Variants in CSMD1 observed in about 807,000 individuals in gnomAD.
CSMD1 encodes the protein CUB and sushi domain-containing protein 1.
A neutral mutation model predicts 417.5 loss-of-function variants in CSMD1; 213 were observed. The observed-to-expected ratio is 0.51, with a 90% CI of 0.46 to 0.57. CSMD1 has a LOEUF of 0.57. Ranked by LOEUF, CSMD1 falls within the 20% of genes least tolerant of loss-of-function variation. The pLI, the probability that CSMD1 is intolerant of heterozygous loss-of-function variation, is 0.00. For synonymous variants in CSMD1, 2,862 were observed against 1,736.8 expected (o/e 1.65, Z -16.11); for missense variants, 6,923 against 4,529.7 (o/e 1.53, Z -15.17).
At chr8:4,152,933 C>T (rs55845517) in intron 3 of CSMD1, among the ~76,000 whole-genome samples, 31,813 of 152,034 alleles carry the variant, frequency 0.21, 3,423 homozygotes, top group South Asian at 0.33. Context: ...ATACTCTATC[C>T]TCTTCTCAAA....
intron 24 of CSMD1, among the ~76,000 whole-genome samples, 182 bp downstream of exon 24, chr8:3,308,130 A>ACTGT (rs1805031081): frequency 6.6e-6 from 1 of 152,020 alleles, no homozygotes; most frequent in African/African-American, 2.4e-5. Flanking sequence ...TACTAGAAAA[A>ACTGT]CTGTCTTTCA....
intron 3 of CSMD1, among the ~76,000 whole-genome samples, chr8:4,168,142 A>AT (rs1554478575): frequency 4.1e-4 from 5 of 12,290 alleles, no homozygotes; most frequent in South Asian, 1.4e-3. Context: ...AATAAAAAAA[A>AT]ATATACACAC....
At chr8:3,982,422 A>G (rs946963267) in intron 5 of CSMD1, among the ~76,000 whole-genome samples, 14 of 151,918 alleles carry the variant, frequency 9.2e-5, no homozygotes, top group African/African-American at 3.4e-4. Context: ...GGAAAGCACA[A>G]TAAGACATGG....
chr8:3,082,171 C>T (rs11136573), intron 49 of CSMD1, among the ~76,000 whole-genome samples: 15,498 of 152,236 alleles, frequency 0.1, 757 homozygotes, highest in African/African-American at 0.14. Flanking sequence ...CCCTCAAACA[C>T]ACATTGCTAT....
intron 3 of CSMD1, among the ~76,000 whole-genome samples, chr8:4,069,705 C>G (rs188192191): frequency 1.3e-5 from 2 of 152,122 alleles, no homozygotes; most frequent in Admixed American, 1.3e-4. Context: ...ACTTCCCTTT[C>G]TTTCTCCCAC....
chr8:4,166,998 G>C (rs968528821), intron 3 of CSMD1, among the ~76,000 whole-genome samples: 5 of 152,194 alleles, frequency 3.3e-5, no homozygotes, highest in African/African-American at 9.7e-5. Context: ...CCCCTGTGCT[G>C]GGTGTTTGTG....
chr8:2,997,829 C>G (rs976153340), intron 54 of CSMD1, among the ~76,000 whole-genome samples, 182 bp downstream of exon 54: 1 of 152,154 alleles, frequency 6.6e-6, no homozygotes, highest in East Asian at 1.9e-4. Context: ...GGCCACGAGA[C>G]AGGAAAAAGC....
At chr8:3,374,322 C>G (rs1484599866) in intron 18 of CSMD1, among the ~76,000 whole-genome samples, 1 of 152,086 alleles carries the variant, frequency 6.6e-6, no homozygotes, top group African/African-American at 2.4e-5. Flanking sequence ...CTATCCCATC[C>G]TGCATTTAGA....
intron 6 of CSMD1, among the ~76,000 whole-genome samples, chr8:3,712,171 T>C (rs943732263): frequency 8.1e-5 from 9 of 111,486 alleles, no homozygotes; most frequent in African/African-American, 2.9e-4. Flanking sequence ...CTACGTTCTC[T>C]TATTGGACAG....
chr8:4,036,931 T>C (rs535743707), intron 3 of CSMD1, among the ~76,000 whole-genome samples: 2 of 151,370 alleles, frequency 1.3e-5, no homozygotes, highest in Non-Finnish European at 2.9e-5. Context: ...GCATGTGCCC[T>C]GGATCCTAGT....
chr8:4,561,639 G>A (rs1248112560), intron 2 of CSMD1, among the ~76,000 whole-genome samples: 1 of 152,150 alleles, frequency 6.6e-6, no homozygotes, highest in South Asian at 2.1e-4. Flanking sequence ...CCATGAATGA[G>A]CTACTGCAAT....
intron 3 of CSMD1, among the ~76,000 whole-genome samples, chr8:4,390,674 C>T (rs143739528): frequency 1.9e-3 from 286 of 151,870 alleles, no homozygotes; most frequent in African/African-American, 6.3e-3. Context: ...CCACCACGCC[C>T]GGCTAATTTT....
chr8:4,140,896 G>T lies in CSMD1; in HGVS notation c.416-108797C>A, dbSNP rs140330279. Among the ~76,000 whole-genome samples the T allele has an allele frequency of 1.4e-3, 215 of 151,126 alleles. 18 individuals are homozygous for T. Among genetic ancestry groups the T allele is most frequent in the African/African-American group, 5.0e-3 (204 of 40,484 alleles). ...GAGATTGCTGATCGCCAATGCACAG[G>T]CTCAGTAGGGCCGACTTACTGCTAA... On this transcript the variant is annotated intron_variant, in intron 3 of 69. Transcript: ENST00000635120.
intron 5 of CSMD1, among the ~76,000 whole-genome samples, chr8:3,970,918 A>C (rs1029135637): frequency 6.6e-6 from 1 of 151,988 alleles, no homozygotes; most frequent in African/African-American, 2.4e-5. Flanking sequence ...TGCTCCGCTA[A>C]TTTTGTATTT....
chr8:3,882,643 G>A (rs556848443), intron 5 of CSMD1, among the ~76,000 whole-genome samples: 6 of 152,246 alleles, frequency 3.9e-5, no homozygotes, highest in Non-Finnish European at 5.9e-5. Flanking sequence ...ATTGCCCTCA[G>A]GGATATAAAT....
chr8:4,334,786 T>G (rs1272308653), intron 3 of CSMD1, among the ~76,000 whole-genome samples: 1 of 152,092 alleles, frequency 6.6e-6, no homozygotes, highest in Non-Finnish European at 1.5e-5. Context: ...TTTTAGTCTG[T>G]TTGGGCTGCT....
chr8:4,291,541 A>T (rs1797366136), intron 3 of CSMD1, among the ~76,000 whole-genome samples: 1 of 152,168 alleles, frequency 6.6e-6, no homozygotes, highest in Non-Finnish European at 1.5e-5. Context: ...ATTTACACAT[A>T]AAAAAATTGC....
At chr8:3,320,241 C>T (rs1001045415) in intron 23 of CSMD1, among the ~76,000 whole-genome samples, 4 of 152,090 alleles carry the variant, frequency 2.6e-5, no homozygotes, top group African/African-American at 7.2e-5. Flanking sequence ...TGGAGAGGGA[C>T]GGAGGATGAG....
chr8:4,185,748 C>A (rs936210513), intron 3 of CSMD1, among the ~76,000 whole-genome samples: 3 of 152,178 alleles, frequency 2.0e-5, no homozygotes, highest in African/African-American at 7.2e-5. Context: ...GAAGAGCTAT[C>A]ATTTTGAGAT....
Sources: gnomAD v4.1 joint callset for allele counts (sites outside exome capture counted in the v4.1 genomes callset) on GRCh38, gnomAD v4.1.1 for gene constraint, MANE v1.5 for transcripts, NCBI Gene and HGNC (gene_info 2026-07-23, HGNC 2026-07-21) for gene names.